PLOD2: variants seen among roughly 807,000 people sequenced by gnomAD.
The protein encoded by PLOD2 is procollagen-lysine,2-oxoglutarate 5-dioxygenase 2.
Under a neutral mutation model 101.0 loss-of-function variants are expected in PLOD2, and 65 were observed. The ratio of observed to expected loss-of-function variants is 0.64; its 90% CI spans 0.53 to 0.79. The LOEUF (loss-of-function observed/expected upper bound fraction) is 0.79, where lower values mean the gene tolerates loss of function less well. PLOD2 is among the 30% of genes least tolerant of loss of function. The pLI is 0.00. For synonymous variants in PLOD2, 314 were observed against 302.9 expected (o/e 1.04, Z -0.38); for missense variants, 909 against 914.6 (o/e 0.99, Z 0.08).
chr3:146,123,146 G>A (rs2030295343), intron 2 of PLOD2: 2 of 200,582 alleles, frequency 1.0e-5, no homozygotes, highest in South Asian at 1.6e-4. Flanking sequence ...GTATTCCAGT[G>A]GTTATTTAAT....
chr3:146,099,223 T>C (rs1413560503), intron 7 of PLOD2, among the ~76,000 whole-genome samples: 1 of 152,180 alleles, frequency 6.6e-6, no homozygotes, highest in Admixed American at 6.5e-5. Context: ...CCTAGGTCTT[T>C]CTAAATGATT....
Position 146,121,102 on chromosome 3 carries a change from T to G in PLOD2, c.338+10A>C. The stretch of plus-strand genomic sequence containing the variant: ...TATAGATTTTAAAATCCACAGGGTG[T>G]TTCTCCTACCATTCAGTAAACATGA... On this transcript the variant is annotated intron_variant, in intron 3 of 19. Transcript: ENST00000282903. 1 of 1,571,468 alleles carries G rather than the reference T, an allele frequency of 6.4e-7. No individual in the cohort carries two copies. The highest frequency in any genetic ancestry group is 8.8e-7 in the Non-Finnish European group (1 of 1,141,520).
intron 7 of PLOD2, among the ~76,000 whole-genome samples, chr3:146,100,489 G>C (rs1020219355): frequency 1.3e-5 from 2 of 152,022 alleles, no homozygotes; most frequent in African/African-American, 4.8e-5. Flanking sequence ...GCATACAAGA[G>C]ACCCAAAAAG....
rs370188153 is a variant in PLOD2 at position 146,081,856 on chromosome 3, T to C, written c.1240A>G (p.Ile414Val). ...KILIEQNRKIIAPLVTRHGKL... is the reference protein window; with the variant it reads ...KILIEQNRKIVAPLVTRHGKL... The stretch of plus-strand genomic sequence containing the variant: ...CCATGACGAGTTACAAGAGGAGCAA[T>C]GATCTTTCTAAAGACAGAGAGAGTG... The change falls in exon 12 of 20, where the codon ATT (isoleucine) becomes GTT (valine). Residue 414 changes from isoleucine (I) to valine (V), a missense_variant. Ile to Val is a conservative substitution (Grantham distance 29). Transcript: ENST00000282903. 4 of 1,612,538 alleles carry C rather than the reference T, an allele frequency of 2.5e-6. No individual in the cohort carries two copies. The African/African-American group carries it at 4.0e-5, about 16-fold the overall frequency.
intron 12 of PLOD2, among the ~76,000 whole-genome samples, chr3:146,081,086 T>G (rs1936524994): frequency 6.6e-6 from 1 of 152,182 alleles, no homozygotes; most frequent in African/African-American, 2.4e-5. Flanking sequence ...ATCATATGTA[T>G]GAAAAAAAGA....
At chr3:146,087,778 A>G in intron 9 of PLOD2, among the ~76,000 whole-genome samples, 1 of 152,044 alleles carries the variant, frequency 6.6e-6, no homozygotes, top group East Asian at 1.9e-4. Context: ...AAAATACTTT[A>G]GTGAAAGTAT....
chr3:146,142,258 AAT>A (rs2031559322), intron 1 of PLOD2, among the ~76,000 whole-genome samples: 1 of 152,130 alleles, frequency 6.6e-6, no homozygotes, highest in Non-Finnish European at 1.5e-5. Context: ...CATCAAGAAA[AAT>A]AATGCCTAAA....
chr3:146,143,404 C>G (rs1478864947), intron 1 of PLOD2, among the ~76,000 whole-genome samples: 1 of 150,096 alleles, frequency 6.7e-6, no homozygotes. Context: ...TTGGAGTCAT[C>G]CTTAACTCCT....
chr3:146,107,652 T>G (rs1937559801), intron 4 of PLOD2, among the ~76,000 whole-genome samples: 1 of 53,250 alleles, frequency 1.9e-5, no homozygotes, highest in Admixed American at 2.5e-4. Flanking sequence ...TTTTTTTTTT[T>G]TGGAGACAGA....
At chr3:146,099,848 T>C (rs1937324529) in intron 7 of PLOD2, among the ~76,000 whole-genome samples, 1 of 151,154 alleles carries the variant, frequency 6.6e-6, no homozygotes, top group South Asian at 2.1e-4. Flanking sequence ...ATTCATCTAT[T>C]AAATTTGCCT....
intron 7 of PLOD2, 54 bp downstream of exon 7, chr3:146,102,701 T>C: frequency 2.3e-6 from 2 of 880,750 alleles, no homozygotes; most frequent in Admixed American, 3.4e-5. Context: ...ATTCCACATA[T>C]CAATCCATAG....
rs748214459 is a variant in PLOD2 at position 146,076,752 on chromosome 3, AAAT to A, written c.1677+27_1677+29del. The A allele has an allele frequency of 2.9e-6, 3 of 1,046,312 alleles. No homozygotes were observed. The Admixed American group carries it at 5.3e-5, about 19-fold the overall frequency. 64.8% of individuals were successfully genotyped at this position (1,046,312 alleles called of 1,614,324 possible). A position where few individuals can be genotyped will look rare whatever the true frequency, so the allele number is the denominator to read the frequency against. On this transcript the variant is annotated intron_variant, in intron 15 of 19. Transcript: ENST00000282903. ...TTTATAACCACTTACAGTTATAGAA[AAAT>A]AATAAAGTTGAGTATGAAATACATA...
intron 1 of PLOD2, among the ~76,000 whole-genome samples, chr3:146,125,004 G>T (rs1355159205): frequency 6.6e-6 from 1 of 152,016 alleles, no homozygotes; most frequent in Non-Finnish European, 1.5e-5. Flanking sequence ...TACAGATAAT[G>T]ATTATTTTTA....
In PLOD2 at chr3:146,121,098, G is replaced by A; in HGVS notation, c.338+14C>T. On this transcript the variant is annotated intron_variant, in intron 3 of 19. Coordinates refer to ENST00000282903, the MANE Select transcript of PLOD2 (RefSeq NM_182943.3). ...TGAATATAGATTTTAAAATCCACAG[G>A]GTGTTTCTCCTACCATTCAGTAAAC... 1 of 1,548,950 alleles carries A rather than the reference G, an allele frequency of 6.5e-7. No homozygotes were observed. The highest frequency in any genetic ancestry group is 1.1e-5 in the South Asian group (1 of 89,770).
At chr3:146,106,671 T>C in intron 4 of PLOD2, 27 bp from the exon 5 acceptor site, 1 of 1,166,918 alleles carries the variant, frequency 8.6e-7, no homozygotes. Flanking sequence ...AGAAAGTAGA[T>C]AATTTAGGAT....
chr3:146,094,996 G>A (rs190398266), intron 7 of PLOD2, among the ~76,000 whole-genome samples: 45 of 152,252 alleles, frequency 3.0e-4, no homozygotes, highest in Middle Eastern at 6.8e-3. Flanking sequence ...AATATGTAGT[G>A]CTGGGAAAAC....
intron 1 of PLOD2, among the ~76,000 whole-genome samples, chr3:146,146,626 A>G (rs965031): frequency 1.3e-5 from 2 of 152,276 alleles, no homozygotes; most frequent in East Asian, 1.9e-4. Flanking sequence ...CCTCATGGGC[A>G]TAAGGAATCA....
Position 146,122,805 on chromosome 3 carries a change from T to C in PLOD2, c.201+1333A>G, listed in dbSNP as rs370389713. 1.6e-4 allele frequency among the ~76,000 whole-genome samples: 25 copies of C among 152,308 alleles called. No homozygotes were observed. In the South Asian group the frequency reaches 3.3e-3, roughly 20 times the overall value. On this transcript the variant is annotated intron_variant, in intron 2 of 19. Coordinates refer to ENST00000282903, the MANE Select transcript of PLOD2 (RefSeq NM_182943.3). ...AGTAGTATCTACCTTACATGGTTCA[T>C]ATAGTGACTTAACAGCATATCATAT...
At chr3:146,073,203 A>G (rs1936213123) in intron 16 of PLOD2, 84 bp downstream of exon 16, 1 of 593,888 alleles carries the variant, frequency 1.7e-6, no homozygotes. Flanking sequence ...CCACTTTCAC[A>G]TCTTCTGTGA....
Sources: allele counts gnomAD v4.1 joint callset (sites outside exome capture counted in the v4.1 genomes callset), GRCh38; gene constraint gnomAD v4.1.1; transcripts MANE v1.5; gene names NCBI Gene and HGNC (gene_info 2026-07-23, HGNC 2026-07-21).